The following CCDC192 variants were observed in gnomAD, a reference collection of about 807,000 sequenced individuals.
CCDC192 encodes coiled-coil domain-containing protein 192.
At chr5:127,735,709 T>C (rs1434657683) in intron 2 of CCDC192, among the ~76,000 whole-genome samples, 7 of 130,814 alleles carry the variant, frequency 5.4e-5, no homozygotes, top group African/African-American at 2.1e-4. Context: ...GGGAGTTCAC[T>C]CATGATTTGG....
intron 6 of CCDC192, among the ~76,000 whole-genome samples, chr5:127,895,737 G>A (rs1362732397): frequency 1.3e-5 from 2 of 152,050 alleles, no homozygotes; most frequent in African/African-American, 4.8e-5. Context: ...TTACTCAGGA[G>A]GCTGAGGTGG....
chr5:127,763,999 C>A (rs148626910), intron 3 of CCDC192, among the ~76,000 whole-genome samples: 1 of 152,144 alleles, frequency 6.6e-6, no homozygotes, highest in African/African-American at 2.4e-5. Context: ...CACCTCCCGC[C>A]GATAATAATT....
intron 6 of CCDC192, among the ~76,000 whole-genome samples, chr5:127,908,088 G>A (rs560669350): frequency 3.3e-5 from 5 of 152,112 alleles, no homozygotes; most frequent in Admixed American, 6.5e-5. Flanking sequence ...TGCCATTATC[G>A]TGCTCACCTG....
chr5:127,752,194 A>T (rs1176662185), intron 2 of CCDC192, among the ~76,000 whole-genome samples: 3 of 152,046 alleles, frequency 2.0e-5, no homozygotes, highest in Non-Finnish European at 4.4e-5. Flanking sequence ...AGGCACTCTG[A>T]TTTTTAGTTT....
At chr5:127,887,561 G>A (rs1037634429) in intron 6 of CCDC192, among the ~76,000 whole-genome samples, 1 of 151,978 alleles carries the variant, frequency 6.6e-6, no homozygotes, top group Non-Finnish European at 1.5e-5. Context: ...TGTAACTTTG[G>A]ATGACTGCCA....
chr5:127,794,816 G>C (rs572960248), intron 3 of CCDC192, among the ~76,000 whole-genome samples: 69 of 152,038 alleles, frequency 4.5e-4, no homozygotes, highest in African/African-American at 1.6e-3. Context: ...CAGGATATGG[G>C]AATAAAATGG....
At chr5:127,726,903 T>C (rs908739647) in intron 2 of CCDC192, among the ~76,000 whole-genome samples, 1 of 152,058 alleles carries the variant, frequency 6.6e-6, no homozygotes, top group Non-Finnish European at 1.5e-5. Flanking sequence ...GCCACCAGAG[T>C]GCTTCAGTAA....
chr5:127,919,480 A>C (rs1299831294), intron 6 of CCDC192, among the ~76,000 whole-genome samples: 1 of 152,196 alleles, frequency 6.6e-6, no homozygotes, highest in Non-Finnish European at 1.5e-5. Context: ...ATGGTTCTGC[A>C]GGATCCATGG....
chr5:127,782,364 T>A (rs1461914826), intron 3 of CCDC192, among the ~76,000 whole-genome samples: 1 of 152,164 alleles, frequency 6.6e-6, no homozygotes, highest in Admixed American at 6.5e-5. Context: ...TCTTTCTCTA[T>A]CTTGTTGGAA....
upstream of CCDC192, among the ~76,000 whole-genome samples, chr5:127,702,611 C>T (rs1166609852): frequency 6.6e-6 from 1 of 152,164 alleles, no homozygotes; most frequent in Non-Finnish European, 1.5e-5. Context: ...AGAAACATTG[C>T]TGTCATGCCA....
chr5:127,886,397 C>G (rs1463610362), intron 6 of CCDC192, among the ~76,000 whole-genome samples: 1 of 152,144 alleles, frequency 6.6e-6, no homozygotes, highest in South Asian at 2.1e-4. Flanking sequence ...ACAGTTGACC[C>G]TTGAACAACA....
intron 2 of CCDC192, among the ~76,000 whole-genome samples, chr5:127,732,153 G>A (rs1309705089): frequency 2.7e-5 from 4 of 149,932 alleles, no homozygotes; most frequent in African/African-American, 4.9e-5. Flanking sequence ...AAATGTACAA[G>A]AAAAAAAAAC....
At chr5:127,714,601 C>A (rs565692883) in intron 2 of CCDC192, among the ~76,000 whole-genome samples, 9 of 152,220 alleles carry the variant, frequency 5.9e-5, no homozygotes, top group Non-Finnish European at 8.8e-5. Flanking sequence ...AACTCCTGAC[C>A]TCAAGTGATC....
At chr5:127,849,546 C>T (rs1750709804) in intron 5 of CCDC192, among the ~76,000 whole-genome samples, 1 of 152,200 alleles carries the variant, frequency 6.6e-6, no homozygotes, top group Admixed American at 6.5e-5. Flanking sequence ...AGAGAACCTT[C>T]CTCCACTGCC....
chr5:127,877,445 T>C (rs1752128409), intron 6 of CCDC192, among the ~76,000 whole-genome samples: 1 of 152,122 alleles, frequency 6.6e-6, no homozygotes, highest in African/African-American at 2.4e-5. Context: ...CATTGTAAGA[T>C]CCATTATGGA....
chr5:127,935,793 A>G (rs1326883689), intron 6 of CCDC192, among the ~76,000 whole-genome samples: 1 of 152,160 alleles, frequency 6.6e-6, no homozygotes, highest in Non-Finnish European at 1.5e-5. Context: ...AGTGACTGAG[A>G]GCCACTTGCT....
intron 6 of CCDC192, among the ~76,000 whole-genome samples, chr5:127,880,578 T>C (rs892773039): frequency 6.6e-5 from 10 of 151,124 alleles, no homozygotes; most frequent in African/African-American, 2.4e-4. Context: ...AATGTGCACA[T>C]GTACCCTAAA....
intron 6 of CCDC192, among the ~76,000 whole-genome samples, chr5:127,925,363 A>T (rs1048230077): frequency 6.6e-6 from 1 of 152,218 alleles, no homozygotes; most frequent in Non-Finnish European, 1.5e-5. Flanking sequence ...GTATCTTGAT[A>T]TGAAAAAAAT....
At chr5:127,781,994 A>G (rs1442479865) in intron 3 of CCDC192, among the ~76,000 whole-genome samples, 1 of 152,092 alleles carries the variant, frequency 6.6e-6, no homozygotes, top group African/African-American at 2.4e-5. Flanking sequence ...TATTACATTG[A>G]GGTGTATCCC....
Sources: allele counts gnomAD v4.1 joint callset (sites outside exome capture counted in the v4.1 genomes callset), GRCh38; gene constraint gnomAD v4.1.1; transcripts MANE v1.5; gene names NCBI Gene and HGNC (gene_info 2026-07-23, HGNC 2026-07-21).